The following OPRM1 variants were observed in gnomAD, a reference collection of about 807,000 sequenced individuals.
OPRM1 encodes mu-type opioid receptor.
In OPRM1, 27 loss-of-function variants were observed where a neutral mutation model predicts 31.8. The ratio of observed to expected loss-of-function variants is 0.85; its 90% confidence interval spans 0.63 to 1.17. The LOEUF (loss-of-function observed/expected upper bound fraction) is 1.17. Among genes scored for constraint, OPRM1 ranks in the 50% most tolerant of loss-of-function variants. The pLI is 0.00. For missense variants in OPRM1, 536 were observed against 511.1 expected (o/e 1.05, Z -0.47); for synonymous variants, 196 against 189.9 (o/e 1.03, Z -0.26).
chr6:154,207,785 A>C (rs2128600650), intron 3 of OPRM1, among the ~76,000 whole-genome samples: 1 of 152,284 alleles, frequency 6.6e-6, no homozygotes, highest in East Asian at 1.9e-4. Flanking sequence ...TATTTAAAAA[A>C]CTACTTCAGA....
intron 1 of OPRM1, among the ~76,000 whole-genome samples, chr6:154,049,931 C>T (rs1282236623): frequency 6.6e-6 from 1 of 152,140 alleles, no homozygotes; most frequent in East Asian, 1.9e-4. Context: ...AAGATTTTTG[C>T]ATTAATATTC....
At chr6:154,044,238 C>G (rs1780656427) in intron 1 of OPRM1, among the ~76,000 whole-genome samples, 1 of 151,984 alleles carries the variant, frequency 6.6e-6, no homozygotes, top group Non-Finnish European at 1.5e-5. Context: ...TATTCACATG[C>G]ATGTTTTTAA....
At chr6:154,117,897 GAAA>G (rs915022960) in intron 3 of OPRM1, among the ~76,000 whole-genome samples, 1 of 145,444 alleles carries the variant, frequency 6.9e-6, no homozygotes, top group African/African-American at 2.6e-5. Flanking sequence ...GTATGAGAGA[GAAA>G]AAAAGAGAGA....
rs541343359 is a variant in OPRM1, at chr6:154,120,422, A to G, written c.*1701A>G. Among the ~76,000 whole-genome samples the G allele has an allele frequency of 5.2e-4, 79 of 152,276 alleles. No homozygotes were observed. The highest frequency in any genetic ancestry group is 1.8e-3 in the African/African-American group (73 of 41,564). ...GTTTTTTAGTGTTTCCTTCTGATGA[A>G]GTTTCATGTTTGCTTGTAATAATCT... is the stretch of plus-strand genomic sequence containing the variant. On this transcript the variant is annotated 3_prime_UTR_variant, in exon 4 of 4. Transcript: ENST00000330432.
At chr6:154,207,290 A>G (rs1426583296) in intron 3 of OPRM1, among the ~76,000 whole-genome samples, 2 of 152,226 alleles carry the variant, frequency 1.3e-5, no homozygotes, top group African/African-American at 4.8e-5. Flanking sequence ...AAGTCTTAAA[A>G]TCAGTTAGAT....
At chr6:154,234,686 C>T (rs537039264) in intron 3 of OPRM1, among the ~76,000 whole-genome samples, 17 of 152,322 alleles carry the variant, frequency 1.1e-4, no homozygotes, top group African/African-American at 4.1e-4. Flanking sequence ...GCTAGCCACT[C>T]ACAATCTTTC....
chr6:154,181,185 G>A (rs765725914), intron 3 of OPRM1, among the ~76,000 whole-genome samples: 42 of 152,078 alleles, frequency 2.8e-4, no homozygotes, highest in Non-Finnish European at 5.3e-4. Flanking sequence ...ATTTAATTAA[G>A]AAAAAAATCT....
chr6:154,195,791 A>AT (rs34769762), intron 3 of OPRM1, among the ~76,000 whole-genome samples: 3,084 of 130,544 alleles, frequency 0.024, 84 homozygotes, highest in African/African-American at 0.069. Flanking sequence ...CTTGTTCACA[A>AT]TTTTTTTTTT....
chr6:154,185,909 A>T (rs1436124458), intron 3 of OPRM1, among the ~76,000 whole-genome samples: 3 of 152,250 alleles, frequency 2.0e-5, no homozygotes, highest in African/African-American at 7.2e-5. Context: ...TAAAAGCTAA[A>T]GCATTTGGCT....
At chr6:154,220,486 C>A (rs1778775435) in intron 3 of OPRM1, among the ~76,000 whole-genome samples, 1 of 151,962 alleles carries the variant, frequency 6.6e-6, no homozygotes, top group Admixed American at 6.6e-5. Flanking sequence ...GTGAAACCCA[C>A]AAGAAACACA....
At chr6:154,185,602 AT>A in intron 3 of OPRM1, among the ~76,000 whole-genome samples, 1 of 152,344 alleles carries the variant, frequency 6.6e-6, no homozygotes, top group South Asian at 2.1e-4. Context: ...CCATATGCTT[AT>A]TATAAATATT....
rs575134882 is a variant in OPRM1 at position 154,195,216 on chromosome 6, C to T, written c.1165-51477C>T. Reference sequence around the variant, plus strand: ...AGGCTGGAGTGCAGTGGCACGATCTCGGCTCACTGCAATCTCCGCCTCCAG... The same window carrying T: ...AGGCTGGAGTGCAGTGGCACGATCTTGGCTCACTGCAATCTCCGCCTCCAG... On this transcript the variant is annotated intron_variant, in intron 3 of 3. Coordinates refer to the OPRM1 transcript ENST00000337049. Among the ~76,000 whole-genome samples the T allele has an allele frequency of 2.1e-4, 31 of 147,298 alleles. No individual in the cohort carries two copies. In the East Asian group the frequency reaches 4.4e-3, roughly 21 times the overall value.
chr6:154,050,818 C>T (rs903009427), intron 1 of OPRM1, among the ~76,000 whole-genome samples: 1 of 152,124 alleles, frequency 6.6e-6, no homozygotes, highest in Non-Finnish European at 1.5e-5. Context: ...CCTCATTCCT[C>T]ATGACATGTT....
At chr6:154,011,605 A>G (rs569360126) in intron 1 of OPRM1, among the ~76,000 whole-genome samples, 7 of 152,314 alleles carry the variant, frequency 4.6e-5, no homozygotes, top group Admixed American at 3.9e-4. Flanking sequence ...TTTCAATTAC[A>G]TGAATGTTCA....
intron 1 of OPRM1, among the ~76,000 whole-genome samples, chr6:154,055,297 A>G (rs1054583600): frequency 5.3e-5 from 8 of 152,156 alleles, no homozygotes; most frequent in African/African-American, 1.9e-4. Flanking sequence ...CTGAGGCAGG[A>G]GAATCGCTTG....
At chr6:154,217,330 T>C (rs1778482060) in intron 3 of OPRM1, 1 of 152,152 alleles carries the variant, frequency 6.6e-6, no homozygotes, top group Admixed American at 6.6e-5. Context: ...TCAGAGCTCA[T>C]GGTCAGATGA....
chr6:154,034,915 C>T (rs1779214372), upstream of OPRM1, among the ~76,000 whole-genome samples: 1 of 152,150 alleles, frequency 6.6e-6, no homozygotes. Context: ...ACCCTAGATA[C>T]TACCTTCAGG....
Position 154,168,125 on chromosome 6 carries a change from A to G in OPRM1, c.1164+76653A>G. 3.3e-6 allele frequency: 5 copies of G among 1,525,840 alleles called. No individual in the cohort carries two copies. Among genetic ancestry groups the G allele is most frequent in the Non-Finnish European group, 4.4e-6 (5 of 1,129,608 alleles). 94.5% of individuals were successfully genotyped at this position (1,525,840 alleles called of 1,614,324 possible). On this transcript the variant is annotated intron_variant, in intron 3 of 3. Coordinates refer to the OPRM1 transcript ENST00000337049. The surrounding 1 kb of genome is among the most constrained non-coding windows in gnomAD (Gnocchi z 4.1). ...CACTTTTGTCTCTTCTATTTGAAAA[A>G]AAAAAAGAAAGCAGTAACAATAAAC...
intron 3 of OPRM1, chr6:154,199,750 A>C: frequency 6.2e-7 from 1 of 1,614,234 alleles, no homozygotes; most frequent in Non-Finnish European, 8.5e-7. Context: ...AAGTATCATC[A>C]CTAGATAAAG....
Sources: allele counts gnomAD v4.1 joint callset (sites outside exome capture counted in the v4.1 genomes callset), GRCh38; gene constraint gnomAD v4.1.1; non-coding constraint Gnocchi (gnomAD v3.1); transcripts MANE v1.5; gene names NCBI Gene and HGNC (gene_info 2026-07-23, HGNC 2026-07-21).